VAV3: variants seen among roughly 807,000 people sequenced by gnomAD.
The protein encoded by VAV3 is guanine nucleotide exchange factor VAV3.
A neutral mutation model predicts 131.2 loss-of-function variants in VAV3; 94 were observed. The observed-to-expected ratio is 0.72, with a 90% confidence interval of 0.61 to 0.85. The LOEUF (loss-of-function observed/expected upper bound fraction) is 0.85. Ranked by LOEUF, VAV3 falls within the 40% of genes least tolerant of loss-of-function variation. The pLI, the probability that VAV3 is intolerant of heterozygous loss-of-function variation, is 0.00. For synonymous variants in VAV3, 349 were observed against 342.0 expected (o/e 1.02, Z -0.22); for missense variants, 939 against 1,002.7 (o/e 0.94, Z 0.86).
Position 107,823,703 on chromosome 1 carries a change from T to C in VAV3, c.322-44211A>G, listed in dbSNP as rs530810282. Among the ~76,000 whole-genome samples the C allele has an allele frequency of 7.2e-5, 11 of 152,228 alleles. 1 individual carries two copies. Among genetic ancestry groups the C allele is most frequent in the Admixed American group, 2.0e-4 (3 of 15,300 alleles). ...GCCCTAAACCCCAGTACCATTGTAT[T>C]TGGAGATGGGCTTTCTAAGAAAGTA... On this transcript the variant is annotated intron_variant, in intron 2 of 26. Transcript: ENST00000370056.
intron 19 of VAV3, among the ~76,000 whole-genome samples, chr1:107,671,128 T>C (rs1308313586): frequency 6.6e-6 from 1 of 152,210 alleles, no homozygotes; most frequent in East Asian, 1.9e-4. Context: ...CACTTTCATG[T>C]TTTGTTTATC....
intron 1 of VAV3, among the ~76,000 whole-genome samples, chr1:107,955,547 T>C (rs977305119): frequency 6.6e-6 from 1 of 152,126 alleles, no homozygotes; most frequent in African/African-American, 2.4e-5. Flanking sequence ...AAATGCTGCA[T>C]TCTACCAGAC....
At chr1:107,859,876 G>C (rs1669656705) in intron 2 of VAV3, among the ~76,000 whole-genome samples, 1 of 152,032 alleles carries the variant, frequency 6.6e-6, no homozygotes, top group Non-Finnish European at 1.5e-5. Context: ...GAGAAAACTA[G>C]TAAAATTTGA....
chr1:107,732,329 C>T (rs1384173457), intron 15 of VAV3, among the ~76,000 whole-genome samples: 3 of 152,202 alleles, frequency 2.0e-5, no homozygotes, highest in Non-Finnish European at 4.4e-5. Flanking sequence ...GCATTTACAA[C>T]TGAGGTACCT....
intron 22 of VAV3, 105 bp from the exon 23 acceptor site, chr1:107,603,268 G>T: frequency 1.2e-6 from 1 of 815,200 alleles, no homozygotes; most frequent in Non-Finnish European, 2.0e-6. Flanking sequence ...GATCTGAGCT[G>T]TTGGTAATTC....
chr1:107,921,143 C>T (rs2101154069), intron 1 of VAV3, among the ~76,000 whole-genome samples: 2 of 152,272 alleles, frequency 1.3e-5, no homozygotes. Flanking sequence ...AGTTCATCTG[C>T]GTGTCATACA....
intron 25 of VAV3, among the ~76,000 whole-genome samples, chr1:107,594,444 A>G (rs1199354371): frequency 6.6e-6 from 1 of 152,128 alleles, no homozygotes; most frequent in East Asian, 1.9e-4. Context: ...CTTCACAATT[A>G]CAAAAAAAAA....
chr1:107,795,905 C>T (rs1401044645), intron 2 of VAV3, among the ~76,000 whole-genome samples: 1 of 152,166 alleles, frequency 6.6e-6, no homozygotes, highest in Non-Finnish European at 1.5e-5. Context: ...AAGATATCCC[C>T]CATCCAATTC....
intron 2 of VAV3, among the ~76,000 whole-genome samples, chr1:107,863,944 C>G (rs1027550536): frequency 1.3e-5 from 2 of 152,056 alleles, no homozygotes; most frequent in African/African-American, 4.8e-5. Context: ...CTTTCTCTCT[C>G]CAGAAGTGTA....
chr1:107,590,092 C>T (rs1247881453), intron 25 of VAV3, among the ~76,000 whole-genome samples: 1 of 152,190 alleles, frequency 6.6e-6, no homozygotes, highest in East Asian at 1.9e-4. Context: ...GGAGAGACAG[C>T]CTAGGCTCTG....
intron 17 of VAV3, among the ~76,000 whole-genome samples, chr1:107,703,101 T>C (rs1158552026): frequency 2.6e-5 from 4 of 152,098 alleles, no homozygotes; most frequent in African/African-American, 9.7e-5. Flanking sequence ...TTCACAGATA[T>C]CATCTCATCA....
intron 2 of VAV3, among the ~76,000 whole-genome samples, chr1:107,794,019 C>T (rs893369997): frequency 1.3e-5 from 2 of 152,340 alleles, no homozygotes; most frequent in Non-Finnish European, 1.5e-5. Flanking sequence ...TTAATTACTG[C>T]GCAGAAGGCG....
chr1:107,793,114 T>TAA (rs1666374570), intron 2 of VAV3, among the ~76,000 whole-genome samples: 19 of 152,186 alleles, frequency 1.2e-4, no homozygotes, highest in Admixed American at 1.2e-3. Context: ...CTGCAGACAC[T>TAA]ATAAAATGCT....
At chr1:107,796,667 A>G (rs1666562274) in intron 2 of VAV3, among the ~76,000 whole-genome samples, 1 of 152,028 alleles carries the variant, frequency 6.6e-6, no homozygotes, top group South Asian at 2.1e-4. Flanking sequence ...AAGAGTACTT[A>G]TTATGCTCAC....
intron 12 of VAV3, among the ~76,000 whole-genome samples, chr1:107,754,654 G>A (rs79748332): frequency 0.11 from 17,394 of 152,172 alleles, 1,201 homozygotes; most frequent in East Asian, 0.27. Context: ...TGGCCTACAA[G>A]GCTGTGTTAT....
intron 19 of VAV3, among the ~76,000 whole-genome samples, chr1:107,657,592 A>C (rs912781034): frequency 1.3e-5 from 2 of 152,172 alleles, no homozygotes; most frequent in African/African-American, 4.8e-5. Flanking sequence ...ACAGTGGTTC[A>C]TATCACTTTG....
At chr1:107,877,140 A>G (rs761271243) in intron 1 of VAV3, among the ~76,000 whole-genome samples, 1 of 152,222 alleles carries the variant, frequency 6.6e-6, no homozygotes, top group Non-Finnish European at 1.5e-5. Context: ...CAAAGGCAGC[A>G]GGTAATCAGC....
At chr1:107,629,371 C>T (rs181409224) in intron 20 of VAV3, among the ~76,000 whole-genome samples, 202 of 152,218 alleles carry the variant, frequency 1.3e-3, no homozygotes, top group Middle Eastern at 6.8e-3. Flanking sequence ...ACAATTTCTT[C>T]CAGCATGAAG....
At chr1:107,964,063 A>G (rs1415622852) in intron 1 of VAV3, among the ~76,000 whole-genome samples, 30 of 152,206 alleles carry the variant, frequency 2.0e-4, no homozygotes. Flanking sequence ...CACATGGCTT[A>G]GGAAGAGCTG....
Sources: gnomAD v4.1 joint callset for allele counts (sites outside exome capture counted in the v4.1 genomes callset) on GRCh38, gnomAD v4.1.1 for gene constraint, MANE v1.5 for transcripts, NCBI Gene and HGNC (gene_info 2026-07-23, HGNC 2026-07-21) for gene names.